The following GTF2IRD1 variants were observed in gnomAD, a reference collection of about 807,000 sequenced individuals.
The protein encoded by GTF2IRD1 is GTF2I repeat domain containing 1, also known as general transcription factor II-I repeat domain-containing protein 1.
GTF2IRD1 carries 26 observed loss-of-function variants against 113.2 expected under a neutral mutation model. The ratio of observed to expected loss-of-function variants is 0.23; its 90% CI spans 0.17 to 0.32. GTF2IRD1 has a LOEUF of 0.32. GTF2IRD1 is among the 10% of genes least tolerant of loss of function. The pLI, the probability that GTF2IRD1 is intolerant of heterozygous loss-of-function variation, is 1.00. For missense variants in GTF2IRD1, 864 were observed against 1,280.8 expected (o/e 0.67, Z 4.97); for synonymous variants, 484 against 529.1 (o/e 0.91, Z 1.17).
chr7:74,477,706 C>CCAA (rs1794505401), intron 1 of GTF2IRD1, among the ~76,000 whole-genome samples: 5 of 151,878 alleles, frequency 3.3e-5, no homozygotes, highest in African/African-American at 4.8e-5. Flanking sequence ...TGTCCTCACC[C>CCAA]GTTGGCTCAG....
intron 14 of GTF2IRD1, among the ~76,000 whole-genome samples, chr7:74,544,259 C>T (rs1203443936): frequency 2.0e-5 from 3 of 152,196 alleles, no homozygotes; most frequent in Admixed American, 6.6e-5. Flanking sequence ...AGCATGACCT[C>T]GCTGCAACCT....
chr7:74,471,748 C>T (rs1384989961), intron 1 of GTF2IRD1, among the ~76,000 whole-genome samples: 1 of 148,276 alleles, frequency 6.7e-6, no homozygotes, highest in Non-Finnish European at 1.5e-5. Flanking sequence ...AATCCCAACA[C>T]TTTGGGAGGC....
chr7:74,581,010 AC>A (rs1661543356), intron 22 of GTF2IRD1, among the ~76,000 whole-genome samples: 1 of 151,574 alleles, frequency 6.6e-6, no homozygotes, highest in African/African-American at 2.4e-5. Flanking sequence ...GGTAAACTAA[AC>A]CCCCTTTTCT....
intron 22 of GTF2IRD1, among the ~76,000 whole-genome samples, chr7:74,562,262 C>T (rs868955448): frequency 5.3e-5 from 8 of 152,216 alleles, no homozygotes; most frequent in South Asian, 4.1e-4. Context: ...ACCCCTTCAT[C>T]TGGAGGCAGG....
intron 1 of GTF2IRD1, among the ~76,000 whole-genome samples, chr7:74,472,074 C>T (rs756373415): frequency 7.9e-5 from 12 of 152,214 alleles, no homozygotes; most frequent in Non-Finnish European, 1.8e-4. Flanking sequence ...ATGTATATTA[C>T]ACTCCAGGTA....
intron 22 of GTF2IRD1, among the ~76,000 whole-genome samples, chr7:74,570,522 C>G (rs1239227345): frequency 1.3e-5 from 2 of 151,998 alleles, no homozygotes; most frequent in Non-Finnish European, 2.9e-5. Context: ...AGTGTTGTGG[C>G]ACACATCTGT....
At chr7:74,524,009 G>T in intron 7 of GTF2IRD1, 62 bp from the exon 8 acceptor site, 5 of 1,175,516 alleles carry the variant, frequency 4.3e-6, no homozygotes, top group Non-Finnish European at 5.0e-6. Context: ...GGTCATGGCC[G>T]GTGGAGGGCG....
At chr7:74,519,835 A>G in intron 6 of GTF2IRD1, 116 bp downstream of exon 6, 3 of 695,764 alleles carry the variant, frequency 4.3e-6, no homozygotes, top group Non-Finnish European at 7.3e-6. Context: ...GGAAGGAGCC[A>G]TGTCTGGGCA....
chr7:74,509,592 G>A (rs868933392), intron 2 of GTF2IRD1, among the ~76,000 whole-genome samples: 19 of 152,120 alleles, frequency 1.2e-4, no homozygotes, highest in African/African-American at 4.6e-4. Context: ...AGTTAGCTGC[G>A]CTCCTGCATT....
chr7:74,527,141 G>A (rs905519593), intron 8 of GTF2IRD1, among the ~76,000 whole-genome samples: 4 of 152,132 alleles, frequency 2.6e-5, no homozygotes, highest in Admixed American at 2.6e-4. Flanking sequence ...ATGGTCATAC[G>A]GGGAGGCAAG....
chr7:74,535,044 A>G lies in GTF2IRD1; in HGVS notation c.1275-69A>G, dbSNP rs587606161. 9.9e-6 allele frequency: 13 copies of G among 1,308,950 alleles called. No individual in the cohort carries two copies. The East Asian group carries it at 2.5e-4, about 26-fold the overall frequency. The allele number at this position is 1,308,950 out of a possible 1,614,324, so 81.1% of individuals were successfully genotyped here. A position where few individuals can be genotyped will look rare whatever the true frequency, so the allele number is the denominator to read the frequency against. On this transcript the variant is annotated intron_variant, in intron 9 of 26. Coordinates refer to ENST00000424337, the MANE Select transcript of GTF2IRD1 (RefSeq NM_005685.4). ...ACCATCACCAAAGGGGACTGGAGGC[A>G]TCTCCCCGAGCCCTGGGAGAGTCCT...
chr7:74,562,825 G>A (rs1210451620), intron 22 of GTF2IRD1, among the ~76,000 whole-genome samples: 2 of 152,080 alleles, frequency 1.3e-5, no homozygotes, highest in African/African-American at 4.8e-5. Context: ...CAAGTGATCC[G>A]CCCATCTTGA....
At chr7:74,511,612 G>A (rs1270811946) in intron 2 of GTF2IRD1, among the ~76,000 whole-genome samples, 1 of 152,224 alleles carries the variant, frequency 6.6e-6, no homozygotes, top group African/African-American at 2.4e-5. Flanking sequence ...GCCCCACGCC[G>A]CGTGCACCTT....
intron 1 of GTF2IRD1, among the ~76,000 whole-genome samples, chr7:74,491,590 G>C (rs141543897): frequency 3.6e-4 from 54 of 152,080 alleles, no homozygotes; most frequent in African/African-American, 1.3e-3. Flanking sequence ...TTGGTTTTCT[G>C]TTCTTGTGTT....
chr7:74,585,498 G>A (rs1372368071), intron 22 of GTF2IRD1, among the ~76,000 whole-genome samples: 3 of 152,198 alleles, frequency 2.0e-5, no homozygotes, highest in Non-Finnish European at 2.9e-5. Flanking sequence ...GCTCTGTCCC[G>A]ACACAGGAGA....
chr7:74,533,027 G>A (rs782164309), intron 9 of GTF2IRD1, among the ~76,000 whole-genome samples: 3 of 152,036 alleles, frequency 2.0e-5, no homozygotes, highest in Non-Finnish European at 2.9e-5. Context: ...AAGAATGCCA[G>A]AACTCCAGTC....
rs373158285 is a variant in GTF2IRD1, at chr7:74,512,838, G to A, written c.132G>A (p.Ala44=). Residue 44 remains alanine (A), a synonymous_variant, in exon 3 of 27, where the codon GCG becomes GCA. Coordinates refer to ENST00000424337, the MANE Select transcript of GTF2IRD1 (RefSeq NM_005685.4). This position sits in a 1 kb window ranked among gnomAD's most constrained non-coding sequence, Gnocchi z 4.4. ...GCCTGCCCTTCCCACAGTGCTCAGCGCTGTCCAAACTGAACGCCGAGGTGG... is the reference window on the plus strand; with the variant it reads ...GCCTGCCCTTCCCACAGTGCTCAGCACTGTCCAAACTGAACGCCGAGGTGG... ...LVSALDSMCS[A]LSKLNAEVAC... is the part of the protein sequence containing the mutation. The A allele has an allele frequency of 1.8e-5, 29 of 1,613,786 alleles. No individual in the cohort carries two copies. Among genetic ancestry groups the A allele is most frequent in the Middle Eastern group, 3.3e-4 (2 of 6,082 alleles).
chr7:74,505,132 G>T (rs539711019), intron 1 of GTF2IRD1, among the ~76,000 whole-genome samples: 2 of 152,078 alleles, frequency 1.3e-5, no homozygotes, highest in African/African-American at 2.4e-5. Flanking sequence ...CAGTCCTCCC[G>T]CCTCGGCCTC....
chr7:74,522,428 G>A (rs1221686949), intron 7 of GTF2IRD1, among the ~76,000 whole-genome samples: 3 of 152,126 alleles, frequency 2.0e-5, no homozygotes, highest in South Asian at 2.1e-4. Context: ...GGCCAGGTGC[G>A]GTGACTCACA....
Sources: allele counts gnomAD v4.1 joint callset (sites outside exome capture counted in the v4.1 genomes callset), GRCh38; gene constraint gnomAD v4.1.1; non-coding constraint Gnocchi (gnomAD v3.1); transcripts MANE v1.5; gene names NCBI Gene and HGNC (gene_info 2026-07-23, HGNC 2026-07-21).